LRCH2: variants seen among roughly 807,000 people sequenced by gnomAD.
LRCH2 encodes leucine rich repeats and calponin homology domain containing 2.
Under a neutral mutation model 68.9 loss-of-function variants are expected in LRCH2, and 38 were observed. The ratio of observed to expected loss-of-function variants is 0.55; its 90% CI spans 0.43 to 0.72. LRCH2 has a LOEUF of 0.72. LRCH2 is among the 30% of genes least tolerant of loss of function. LRCH2 has a pLI of 0.00. For missense variants in LRCH2, 528 were observed against 572.9 expected, an observed-to-expected ratio of 0.92 and a Z score of 0.80; for synonymous variants, 191 against 208.1, an observed-to-expected ratio of 0.92 and a Z score of 0.71.
intron 1 of LRCH2, among the ~76,000 whole-genome samples, chrX:115,222,204 C>G (rs2073090295): frequency 9.0e-6 from 1 of 111,501 alleles, no homozygotes; most frequent in Admixed American, 9.5e-5. Flanking sequence ...AATTCAACAC[C>G]CTTTCATGAT....
intron 2 of LRCH2, among the ~76,000 whole-genome samples, chrX:115,186,905 G>A (rs1158052985): frequency 1.0e-5 from 1 of 97,415 alleles, no homozygotes; most frequent in Non-Finnish European, 2.0e-5. Context: ...TGCAAGCTCC[G>A]CCTCCCAGGT....
chrX:115,155,365 T>C (rs892257478), intron 12 of LRCH2, among the ~76,000 whole-genome samples: 1 of 110,275 alleles, frequency 9.1e-6, no homozygotes, highest in Non-Finnish European at 1.9e-5. Flanking sequence ...TTTTGATACG[T>C]GCAGCAAACC....
chrX:115,222,310 T>G (rs1556574318), intron 1 of LRCH2, among the ~76,000 whole-genome samples: 1 of 112,260 alleles, frequency 8.9e-6, no homozygotes, highest in Non-Finnish European at 1.9e-5. Context: ...ATTTAATGGT[T>G]AAAGACTGAA....
chrX:115,144,006 C>T (rs1053321436), intron 14 of LRCH2, among the ~76,000 whole-genome samples: 5 of 111,906 alleles, frequency 4.5e-5, no homozygotes, highest in East Asian at 2.8e-4. Context: ...GTAACTCACA[C>T]GATTCACAAG....
intron 15 of LRCH2, among the ~76,000 whole-genome samples, chrX:115,128,445 A>G (rs1436321842): frequency 1.1e-4 from 12 of 112,139 alleles, no homozygotes; most frequent in African/African-American, 3.6e-4. Context: ...CAGGTATGAG[A>G]TTAACATCAA....
intron 5 of LRCH2, among the ~76,000 whole-genome samples, chrX:115,172,183 C>T (rs1327637481): frequency 9.0e-6 from 1 of 111,284 alleles, no homozygotes; most frequent in Non-Finnish European, 1.9e-5. Flanking sequence ...ACCATCCCAG[C>T]CTCCCCGCTT....
At chrX:115,163,613 TTAAA>T in intron 11 of LRCH2, 59 bp downstream of exon 11, 2 of 812,178 alleles carry the variant, frequency 2.5e-6, no homozygotes, top group South Asian at 2.8e-5. Context: ...TTGATAATCT[TTAAA>T]TAATCAATTT....
chrX:115,179,191 C>T (rs868960518), intron 5 of LRCH2, among the ~76,000 whole-genome samples: 4 of 111,555 alleles, frequency 3.6e-5, no homozygotes, highest in Middle Eastern at 4.2e-3. Flanking sequence ...TAACTAACAA[C>T]CAGAATTATC....
intron 15 of LRCH2, 125 bp from the exon 16 acceptor site, chrX:115,127,018 T>A (rs1484763356): frequency 2.5e-6 from 1 of 394,278 alleles, no homozygotes; most frequent in Non-Finnish European, 4.2e-6. Flanking sequence ...AGATATGCCA[T>A]CCAGCACATT....
At position 115,130,563 on chromosome X, in the gene LRCH2, C is replaced by T. The variant is rs781935583; in HGVS notation, c.1696-364G>A. 1.0e-3 allele frequency among the ~76,000 whole-genome samples: 114 copies of T among 110,805 alleles called. 4 individuals carry two copies. The South Asian group carries it at 0.043, about 41-fold the overall frequency. On this transcript the variant is annotated intron_variant, in intron 14 of 20. Coordinates refer to ENST00000317135, the MANE Select transcript of LRCH2 (RefSeq NM_020871.4). ...CTTTTTTTAATCTCTCTCAGACTTA[C>T]TTCTTTGGAATTCTCACAACTACCA... is the stretch of plus-strand genomic sequence containing the variant.
intron 18 of LRCH2, 77 bp downstream of exon 18, chrX:115,123,003 G>C (rs2072156947): frequency 9.1e-7 from 1 of 1,094,586 alleles, no homozygotes; most frequent in Admixed American, 2.6e-5. Flanking sequence ...CATTGAAAAT[G>C]AAATCTGTAC....
intron 5 of LRCH2, among the ~76,000 whole-genome samples, chrX:115,179,052 T>C (rs2147404067): frequency 8.9e-6 from 1 of 112,263 alleles, no homozygotes; most frequent in Non-Finnish European, 1.9e-5. Context: ...CACTTGTATT[T>C]TGTTCTTTCT....
intron 1 of LRCH2, among the ~76,000 whole-genome samples, chrX:115,197,666 C>T (rs1227619874): frequency 9.2e-6 from 1 of 109,037 alleles, no homozygotes; most frequent in Non-Finnish European, 1.9e-5. Flanking sequence ...GCAGGAGGAT[C>T]ACTTGAGTCC....
rs190904552 is a variant in LRCH2, at chrX:115,177,545, T to A, written c.864+1882A>T. Reference sequence around the variant, plus strand: ...TCAGTATGCGGTCTCGCTCTTGCTATATAAGCTGTACCTGGAGCCCCTGAC... The same window carrying A: ...TCAGTATGCGGTCTCGCTCTTGCTAAATAAGCTGTACCTGGAGCCCCTGAC... On this transcript the variant is annotated intron_variant, in intron 5 of 20. Transcript: ENST00000317135. Among the ~76,000 whole-genome samples, 8 of 112,065 alleles carry A rather than the reference T, an allele frequency of 7.1e-5. No individual in the cohort carries two copies. The East Asian group carries it at 2.3e-3, about 32-fold the overall frequency.
At chrX:115,125,175 G>A (rs1235102468) in intron 16 of LRCH2, among the ~76,000 whole-genome samples, 1 of 108,229 alleles carries the variant, frequency 9.2e-6, no homozygotes, top group African/African-American at 3.4e-5. Flanking sequence ...GGGAGGCCAA[G>A]GCAGGTAGAT....
intron 5 of LRCH2, among the ~76,000 whole-genome samples, chrX:115,177,046 CTTTTTTTTTTTTTTT>C (rs35686915): frequency 1.5e-5 from 1 of 66,655 alleles, no homozygotes; most frequent in African/African-American, 7.1e-5. Flanking sequence ...CGCACCCAGC[CTTTTTTTTTTTTTTT>C]TTTTTTTTTT....
intron 14 of LRCH2, among the ~76,000 whole-genome samples, chrX:115,134,739 C>T (rs1038591215): frequency 1.9e-4 from 21 of 111,745 alleles, no homozygotes; most frequent in African/African-American, 6.5e-4. Context: ...CTGATGAAGA[C>T]GTTCAAAGAC....
rs150340425 is a variant in LRCH2 at position 115,200,275 on chromosome X, A to G, written c.350-11905T>C. On this transcript the variant is annotated intron_variant, in intron 1 of 20. Coordinates refer to ENST00000317135, the MANE Select transcript of LRCH2 (RefSeq NM_020871.4). ...ACCACACTCAAAACTAGCAGAAGAA[A>G]TAACAAAGATCACAGTAGAACTAAA... Among the ~76,000 whole-genome samples, 43 of 111,779 alleles carry G rather than the reference A, an allele frequency of 3.8e-4. No homozygotes were observed. In the East Asian group the frequency reaches 0.011, roughly 28 times the overall value.
chrX:115,185,702 CACAA>C (rs1332136515), intron 2 of LRCH2, among the ~76,000 whole-genome samples: 2 of 111,305 alleles, frequency 1.8e-5, no homozygotes, highest in African/African-American at 3.3e-5. Context: ...AATAACACGG[CACAA>C]ACAAACAAAC....
Sources: gnomAD v4.1 joint callset for allele counts (sites outside exome capture counted in the v4.1 genomes callset) on GRCh38, gnomAD v4.1.1 for gene constraint, MANE v1.5 for transcripts, NCBI Gene and HGNC (gene_info 2026-07-23, HGNC 2026-07-21) for gene names.